Variants in CFAP43 observed in about 807,000 individuals in gnomAD.
CFAP43 encodes cilia- and flagella-associated protein 43.
Under a neutral mutation model 218.9 loss-of-function variants are expected in CFAP43, and 155 were observed. That is an observed-to-expected ratio of 0.71 (90% CI 0.62 to 0.81). CFAP43 has a LOEUF of 0.81. Ranked by LOEUF, CFAP43 falls within the 30% of genes least tolerant of loss-of-function variation. The pLI, the probability that CFAP43 is intolerant of heterozygous loss-of-function variation, is 0.00. For synonymous variants in CFAP43, 645 were observed against 681.3 expected (o/e 0.95, Z 0.83); for missense variants, 1,778 against 1,954.3 (o/e 0.91, Z 1.70).
intron 5 of CFAP43, among the ~76,000 whole-genome samples, chr10:104,211,567 C>T (rs79274255): frequency 0.018 from 2,761 of 152,290 alleles, 103 homozygotes; most frequent in African/African-American, 0.064. Context: ...GTTCAGCAGT[C>T]AGCTGGCTCT....
chr10:104,152,834 C>T, intron 27 of CFAP43, 108 bp from the exon 28 acceptor site: 1 of 1,243,168 alleles, frequency 8.0e-7, no homozygotes. Flanking sequence ...GCAGCCCTTG[C>T]AAGGTGTTCT....
At chr10:104,208,231 T>A (rs988291784) in intron 5 of CFAP43, among the ~76,000 whole-genome samples, 1 of 152,230 alleles carries the variant, frequency 6.6e-6, no homozygotes, top group Non-Finnish European at 1.5e-5. Flanking sequence ...CCTGAGTTTT[T>A]TTTATGACAT....
intron 7 of CFAP43, among the ~76,000 whole-genome samples, chr10:104,204,272 T>C (rs879003443): frequency 2.0e-5 from 3 of 152,204 alleles, no homozygotes; most frequent in Admixed American, 1.3e-4. Context: ...CGGATCCTCT[T>C]TTTCTGTTCC....
At position 104,183,551 on chromosome 10, in the gene CFAP43, G is replaced by A. The variant is rs559396012; in HGVS notation, c.2142-1038C>T. Among the ~76,000 whole-genome samples, 102 of 152,044 alleles carry A rather than the reference G, an allele frequency of 6.7e-4. 1 individual carries two copies. Among genetic ancestry groups the A allele is most frequent in the South Asian group, 2.3e-3 (11 of 4,812 alleles). Reference sequence around the variant, plus strand: ...ACTACAGGCGCCCGCCACCGCGCCCGGCTAATTTTTTGTATTTTTAGTAGA... The same window carrying A: ...ACTACAGGCGCCCGCCACCGCGCCCAGCTAATTTTTTGTATTTTTAGTAGA... On this transcript the variant is annotated intron_variant, in intron 16 of 37. Transcript: ENST00000357060.
intron 3 of CFAP43, among the ~76,000 whole-genome samples, chr10:104,215,049 C>T (rs955798848): frequency 3.2e-4 from 49 of 152,080 alleles, no homozygotes; most frequent in African/African-American, 8.4e-4. Flanking sequence ...GCAGGAGCAT[C>T]GCTTGAACCT....
At chr10:104,190,825 A>G (rs1037805257) in intron 12 of CFAP43, among the ~76,000 whole-genome samples, 3 of 152,218 alleles carry the variant, frequency 2.0e-5, no homozygotes, top group Non-Finnish European at 4.4e-5. Flanking sequence ...ATAAGAGCAC[A>G]CGCCCTGAAA....
intron 23 of CFAP43, among the ~76,000 whole-genome samples, chr10:104,165,152 C>G (rs938622058): frequency 1.3e-5 from 2 of 152,158 alleles, no homozygotes; most frequent in African/African-American, 4.8e-5. Flanking sequence ...CCTGTGCTAG[C>G]CAGCTGGAGT....
chr10:104,224,083 G>A (rs1046298807), intron 3 of CFAP43, among the ~76,000 whole-genome samples: 5 of 152,040 alleles, frequency 3.3e-5, no homozygotes, highest in Admixed American at 2.6e-4. Context: ...TTGCTCTGTC[G>A]CCAAGGCTGG....
intron 27 of CFAP43, 114 bp from the exon 28 acceptor site, chr10:104,152,840 G>T: frequency 1.8e-6 from 2 of 1,133,070 alleles, no homozygotes; most frequent in African/African-American, 1.6e-5. Context: ...CTTGCAAGGT[G>T]TTCTGGGCTC....
chr10:104,163,705 T>A (rs2088998740), intron 24 of CFAP43, among the ~76,000 whole-genome samples: 1 of 152,150 alleles, frequency 6.6e-6, no homozygotes, highest in African/African-American at 2.4e-5. Context: ...CCTTCCCAAA[T>A]GAACTGGGAA....
Position 104,164,126 on chromosome 10 carries a change from G to T in CFAP43, c.3214C>A (p.Pro1072Thr). 3 of 1,614,110 alleles carry T rather than the reference G, an allele frequency of 1.9e-6. No homozygotes were observed. The highest frequency in any genetic ancestry group is 2.5e-6 in the Non-Finnish European group (3 of 1,180,026). The change falls in exon 24 of 38, where the codon CCA becomes ACA. Residue 1072 changes from proline to threonine, a missense_variant. Physicochemically the swap from Pro to Thr is conservative, Grantham distance 38. Coordinates refer to ENST00000357060, the MANE Select transcript of CFAP43 (RefSeq NM_025145.7). ...WQPEFEDCEK[P>T]ERTLVVQDEE... Reference sequence around the variant, plus strand: ...TCTTGCACAACAAGCGTTCTCTCTGGCTTCTCACAGTCTTCAAATTCTGGT... The same window carrying T: ...TCTTGCACAACAAGCGTTCTCTCTGTCTTCTCACAGTCTTCAAATTCTGGT...
At chr10:104,190,229 G>A (rs2090168324) in intron 12 of CFAP43, among the ~76,000 whole-genome samples, 1 of 151,726 alleles carries the variant, frequency 6.6e-6, no homozygotes, top group Non-Finnish European at 1.5e-5. Flanking sequence ...CTACTCAGGA[G>A]GCTGAAGCAG....
chr10:104,217,207 G>C (rs904845837), intron 3 of CFAP43, among the ~76,000 whole-genome samples: 1 of 152,128 alleles, frequency 6.6e-6, no homozygotes, highest in Non-Finnish European at 1.5e-5. Context: ...TCACAATGAG[G>C]ACCTAATATT....
chr10:104,230,889 CT>C (rs749012597), intron 1 of CFAP43, 46 bp from the exon 2 acceptor site: 117,481 of 1,006,566 alleles, frequency 0.12, 1 homozygote, highest in East Asian at 0.17. Flanking sequence ...ATTTCAAATA[CT>C]TTTTTTTTTT....
intron 27 of CFAP43, among the ~76,000 whole-genome samples, chr10:104,155,913 T>C (rs1409066647): frequency 2.7e-5 from 4 of 146,696 alleles, no homozygotes; most frequent in Non-Finnish European, 4.5e-5. Flanking sequence ...GATATAGGGA[T>C]TGGGGGAGGA....
intron 17 of CFAP43, 72 bp downstream of exon 17, chr10:104,182,294 C>T: frequency 6.9e-7 from 1 of 1,439,922 alleles, no homozygotes; most frequent in East Asian, 2.6e-5. Flanking sequence ...TTAAAGAAAA[C>T]CACAAACCGA....
chr10:104,171,545 TTA>T (rs1335396340), intron 20 of CFAP43, among the ~76,000 whole-genome samples: 1 of 152,228 alleles, frequency 6.6e-6, no homozygotes, highest in East Asian at 1.9e-4. Flanking sequence ...GTTTAATCTA[TTA>T]TAATCCACCT....
intron 8 of CFAP43, among the ~76,000 whole-genome samples, chr10:104,203,119 T>C (rs1238179324): frequency 1.3e-5 from 2 of 152,198 alleles, no homozygotes; most frequent in Admixed American, 6.5e-5. Flanking sequence ...CCAATCTCAG[T>C]TCTCATTTAA....
intron 29 of CFAP43, 41 bp downstream of exon 29, chr10:104,147,850 T>C: frequency 7.1e-7 from 1 of 1,418,396 alleles, no homozygotes; most frequent in Non-Finnish European, 9.7e-7. Context: ...GGCATGTCTA[T>C]CAGAAAATGC....
Sources: allele counts gnomAD v4.1 joint callset (sites outside exome capture counted in the v4.1 genomes callset), GRCh38; gene constraint gnomAD v4.1.1; transcripts MANE v1.5; gene names NCBI Gene and HGNC (gene_info 2026-07-23, HGNC 2026-07-21).